RABGAP1L: variants seen among roughly 807,000 people sequenced by gnomAD.
RABGAP1L encodes the protein rab GTPase-activating protein 1-like.
Under a neutral mutation model 137.7 loss-of-function variants are expected in RABGAP1L, and 63 were observed. The observed-to-expected ratio is 0.46, with a 90% CI of 0.37 to 0.56. The LOEUF (loss-of-function observed/expected upper bound fraction) is 0.56, where lower values mean the gene tolerates loss of function less well. Ranked by LOEUF, RABGAP1L falls within the 20% of genes least tolerant of loss-of-function variation. RABGAP1L has a pLI of 0.00. For synonymous variants in RABGAP1L, 431 were observed against 433.7 expected (o/e 0.99, Z 0.08); for missense variants, 1,095 against 1,244.0 (o/e 0.88, Z 1.80).
intron 13 of RABGAP1L, among the ~76,000 whole-genome samples, chr1:174,557,135 T>C (rs560776740): frequency 5.2e-4 from 79 of 152,358 alleles, no homozygotes; most frequent in Non-Finnish European, 8.2e-4. Context: ...TGCCCTTGTT[T>C]GATAATGCTG....
chr1:174,524,676 G>GT (rs1419124003), intron 13 of RABGAP1L, among the ~76,000 whole-genome samples: 2 of 151,110 alleles, frequency 1.3e-5, no homozygotes, highest in Non-Finnish European at 2.9e-5. Flanking sequence ...TTTTGTTTTA[G>GT]TTTTTTGTGC....
chr1:174,797,005 T>G (rs1011878734), intron 18 of RABGAP1L, among the ~76,000 whole-genome samples: 120 of 10,402 alleles, frequency 0.012, no homozygotes, highest in Non-Finnish European at 0.012. Flanking sequence ...AGACTCTGTC[T>G]CAAAAAAAAA....
intron 24 of RABGAP1L, among the ~76,000 whole-genome samples, chr1:174,987,447 G>A (rs532480332): frequency 6.6e-6 from 1 of 152,204 alleles, no homozygotes; most frequent in Non-Finnish European, 1.5e-5. Context: ...TTACAGGCAT[G>A]AGCCACTGCA....
chr1:174,672,937 G>A (rs937913285), intron 14 of RABGAP1L, among the ~76,000 whole-genome samples: 3 of 152,084 alleles, frequency 2.0e-5, no homozygotes, highest in Non-Finnish European at 2.9e-5. Flanking sequence ...CTAGTTCATG[G>A]AAAAGGAACA....
chr1:174,600,017 G>A (rs1670292940), intron 13 of RABGAP1L, among the ~76,000 whole-genome samples: 1 of 152,108 alleles, frequency 6.6e-6, no homozygotes, highest in South Asian at 2.1e-4. Flanking sequence ...AAGAAAAAGA[G>A]GTTTAATTGG....
intron 13 of RABGAP1L, among the ~76,000 whole-genome samples, chr1:174,549,839 C>T (rs1666292019): frequency 6.6e-6 from 1 of 152,172 alleles, no homozygotes; most frequent in South Asian, 2.1e-4. Flanking sequence ...TCCCTTCCTT[C>T]AGCCTCACCC....
intron 12 of RABGAP1L, among the ~76,000 whole-genome samples, chr1:174,374,812 G>A (rs1286972267): frequency 6.6e-6 from 1 of 152,146 alleles, no homozygotes; most frequent in Non-Finnish European, 1.5e-5. Context: ...TCTTTCAGAA[G>A]TGGAATAATG....
chr1:174,852,057 C>T (rs79216222), intron 19 of RABGAP1L, among the ~76,000 whole-genome samples: 3,133 of 152,250 alleles, frequency 0.021, 51 homozygotes, highest in Middle Eastern at 0.082. Context: ...AGTTGCTATA[C>T]ACTAGAACTT....
At chr1:174,355,563 T>G (rs1485882357) in intron 11 of RABGAP1L, among the ~76,000 whole-genome samples, 2 of 151,640 alleles carry the variant, frequency 1.3e-5, no homozygotes, top group Non-Finnish European at 2.9e-5. Flanking sequence ...TGTATACATA[T>G]GTAACTAACC....
intron 11 of RABGAP1L, among the ~76,000 whole-genome samples, chr1:174,343,066 T>C (rs974892717): frequency 6.6e-6 from 1 of 152,186 alleles, no homozygotes; most frequent in Non-Finnish European, 1.5e-5. Flanking sequence ...GTTTATGTAT[T>C]GTTTTCCAAG....
intron 18 of RABGAP1L, among the ~76,000 whole-genome samples, chr1:174,780,424 T>A (rs1686885410): frequency 6.6e-6 from 1 of 152,092 alleles, no homozygotes; most frequent in South Asian, 2.1e-4. Context: ...TTCCTAAATC[T>A]CATGTTTTTC....
chr1:174,259,467 A>T (rs983246534), intron 7 of RABGAP1L, among the ~76,000 whole-genome samples: 6 of 152,252 alleles, frequency 3.9e-5, no homozygotes, highest in Non-Finnish European at 5.9e-5. Context: ...ATCTAGTACT[A>T]GAACACATAT....
chr1:174,900,253 A>G (rs554184419), intron 19 of RABGAP1L, among the ~76,000 whole-genome samples: 1 of 152,354 alleles, frequency 6.6e-6, no homozygotes, highest in Non-Finnish European at 1.5e-5. Context: ...TACTGAAAAC[A>G]AAAGTACACT....
intron 13 of RABGAP1L, among the ~76,000 whole-genome samples, chr1:174,528,434 G>A (rs996847780): frequency 5.9e-5 from 9 of 151,742 alleles, no homozygotes; most frequent in Non-Finnish European, 1.0e-4. Flanking sequence ...GTCTGGGAAA[G>A]ACTACTTTTT....
intron 3 of RABGAP1L, among the ~76,000 whole-genome samples, chr1:174,222,014 G>C (rs1231956192): frequency 1.4e-5 from 2 of 146,966 alleles, no homozygotes; most frequent in Admixed American, 1.4e-4. Context: ...TTTTTTTGTA[G>C]TGATGGGGTT....
chr1:174,765,850 T>C (rs532998861), intron 18 of RABGAP1L, among the ~76,000 whole-genome samples: 4 of 152,314 alleles, frequency 2.6e-5, no homozygotes, highest in African/African-American at 9.6e-5. Context: ...AATTGTAGCT[T>C]TTACATTTAG....
intron 13 of RABGAP1L, among the ~76,000 whole-genome samples, chr1:174,626,362 G>A (rs950964996): frequency 6.6e-6 from 1 of 152,154 alleles, no homozygotes; most frequent in South Asian, 2.1e-4. Context: ...ATTTTCCACT[G>A]GAATCCCAGC....
At chr1:174,696,937 A>G (rs1470515267) in intron 15 of RABGAP1L, among the ~76,000 whole-genome samples, 2 of 152,124 alleles carry the variant, frequency 1.3e-5, no homozygotes, top group Non-Finnish European at 2.9e-5. Flanking sequence ...GATGATTGCT[A>G]TTTGGCCATC....
At chr1:174,686,648 CTTTTTTTTTTTTTTTTT>C (rs533716511) in intron 15 of RABGAP1L, among the ~76,000 whole-genome samples, 1 of 105,768 alleles carries the variant, frequency 9.5e-6, no homozygotes, top group Non-Finnish European at 2.1e-5. Context: ...ACAAAGCAAT[CTTTTTTTTTTTTTTTTT>C]TTTTTTTTTT....
Sources: gnomAD v4.1 joint callset for allele counts (sites outside exome capture counted in the v4.1 genomes callset) on GRCh38, gnomAD v4.1.1 for gene constraint, MANE v1.5 for transcripts, NCBI Gene and HGNC (gene_info 2026-07-23, HGNC 2026-07-21) for gene names.